NEGR1: variants seen among roughly 807,000 people sequenced by gnomAD.
NEGR1 encodes the protein IgLON family member 4.
NEGR1 carries 10 observed loss-of-function variants against 40.9 expected under a neutral mutation model. The observed-to-expected ratio is 0.24, with a 90% CI of 0.15 to 0.42. The LOEUF (loss-of-function observed/expected upper bound fraction) is 0.42, where lower values mean the gene tolerates loss of function less well. Ranked by LOEUF, NEGR1 falls within the 10% of genes least tolerant of loss-of-function variation. The pLI, the probability that NEGR1 is intolerant of heterozygous loss-of-function variation, is 1.00. For missense variants in NEGR1, 352 were observed against 438.9 expected (o/e 0.80, Z 1.77); for synonymous variants, 185 against 166.8 (o/e 1.11, Z -0.84).
chr1:71,940,174 G>A (rs749821998), intron 1 of NEGR1, among the ~76,000 whole-genome samples: 2 of 152,098 alleles, frequency 1.3e-5, no homozygotes, highest in Admixed American at 6.6e-5. Context: ...CTTCAAAATG[G>A]AACATTTTAG....
In NEGR1 at chr1:72,281,566, G is replaced by A. The variant is rs555340304; in HGVS notation, c.176+753C>T. ...TGGGAGTCAAAAGAGGGAAGACAGGGCACAGGATAGGGACATTAAGGAGGA... is the reference window on the plus strand; with the variant it reads ...TGGGAGTCAAAAGAGGGAAGACAGGACACAGGATAGGGACATTAAGGAGGA... On this transcript the variant is annotated intron_variant, in intron 1 of 6. Coordinates refer to ENST00000357731, the MANE Select transcript of NEGR1 (RefSeq NM_173808.3). 2.0e-5 allele frequency among the ~76,000 whole-genome samples: 3 copies of A among 151,794 alleles called. No individual in the cohort carries two copies. The South Asian group carries it at 6.2e-4, about 32-fold the overall frequency.
chr1:71,685,408 C>T (rs190021111), intron 4 of NEGR1, among the ~76,000 whole-genome samples: 1 of 151,034 alleles, frequency 6.6e-6, no homozygotes, highest in Non-Finnish European at 1.5e-5. Flanking sequence ...CTGCAAACTC[C>T]GCCTCCTGGG....
At chr1:72,070,077 C>A (rs113474561) in intron 1 of NEGR1, among the ~76,000 whole-genome samples, 2,280 of 151,946 alleles carry the variant, frequency 0.015, 54 homozygotes, top group African/African-American at 0.052. Context: ...TACAGACATA[C>A]ATTTAAGACT....
At chr1:72,262,709 CA>C (rs2100547208) in intron 1 of NEGR1, among the ~76,000 whole-genome samples, 1 of 151,898 alleles carries the variant, frequency 6.6e-6, no homozygotes, top group Non-Finnish European at 1.5e-5. Flanking sequence ...AATAAAGGTA[CA>C]TATATGCTTA....
intron 1 of NEGR1, among the ~76,000 whole-genome samples, chr1:71,976,025 C>T (rs1051480691): frequency 2.0e-5 from 3 of 152,154 alleles, no homozygotes; most frequent in Admixed American, 1.3e-4. Flanking sequence ...TTCATAAATC[C>T]GCGATAAACA....
chr1:71,590,971 T>G (rs2101518830), intron 6 of NEGR1, among the ~76,000 whole-genome samples: 1 of 152,260 alleles, frequency 6.6e-6, no homozygotes, highest in African/African-American at 2.4e-5. Context: ...CAGACATAGA[T>G]CCTGTCTTTT....
chr1:71,698,247 A>C, intron 3 of NEGR1, 108 bp from the exon 4 acceptor site: 1 of 928,096 alleles, frequency 1.1e-6, no homozygotes, highest in Non-Finnish European at 1.6e-6. Flanking sequence ...AACAATTCCA[A>C]ATGAAACTGG....
At chr1:72,257,008 T>A (rs1373483572) in intron 1 of NEGR1, among the ~76,000 whole-genome samples, 1 of 152,114 alleles carries the variant, frequency 6.6e-6, no homozygotes, top group Middle Eastern at 3.2e-3. Context: ...TAATCTGCAT[T>A]TTCTTTGGCC....
chr1:72,028,866 G>A (rs1196806984), intron 1 of NEGR1, among the ~76,000 whole-genome samples: 2 of 152,120 alleles, frequency 1.3e-5, no homozygotes, highest in African/African-American at 4.8e-5. Flanking sequence ...AGAGCTCTTC[G>A]AAGGTAAGAA....
chr1:71,938,933 G>C (rs1645934958), intron 1 of NEGR1, among the ~76,000 whole-genome samples: 1 of 152,060 alleles, frequency 6.6e-6, no homozygotes, highest in Non-Finnish European at 1.5e-5. Flanking sequence ...ACATTTTAGA[G>C]TTCAAATCAG....
At chr1:71,905,986 C>T (rs1334041456) in intron 2 of NEGR1, among the ~76,000 whole-genome samples, 1 of 152,030 alleles carries the variant, frequency 6.6e-6, no homozygotes, top group Admixed American at 6.6e-5. Flanking sequence ...AAACTGCCAC[C>T]TAATATCTAA....
chr1:72,276,535 A>G (rs1303013974), intron 1 of NEGR1, among the ~76,000 whole-genome samples: 2 of 152,158 alleles, frequency 1.3e-5, no homozygotes, highest in Non-Finnish European at 2.9e-5. Context: ...TCCTACTGAA[A>G]TTATTAAATG....
At chr1:72,009,438 C>T (rs77627027) in intron 1 of NEGR1, among the ~76,000 whole-genome samples, 9,091 of 152,032 alleles carry the variant, frequency 0.06, 317 homozygotes, top group African/African-American at 0.086. Flanking sequence ...CAGTTTCCCC[C>T]AACTTGTGTT....
chr1:72,023,662 T>C (rs550613625), intron 1 of NEGR1, among the ~76,000 whole-genome samples: 1 of 125,084 alleles, frequency 8.0e-6, no homozygotes, highest in Non-Finnish European at 1.8e-5. Context: ...AAAAAAAAAC[T>C]TAACAAATAA....
At chr1:72,124,890 T>C (rs1262919244) in intron 1 of NEGR1, among the ~76,000 whole-genome samples, 1 of 152,130 alleles carries the variant, frequency 6.6e-6, no homozygotes, top group Non-Finnish European at 1.5e-5. Context: ...TAAAAGACTA[T>C]AATTTCTCAT....
chr1:71,533,106 A>G (rs143982928), intron 6 of NEGR1, among the ~76,000 whole-genome samples: 155 of 151,638 alleles, frequency 1.0e-3, no homozygotes, highest in Non-Finnish European at 1.9e-3. Context: ...ACTGACTTTG[A>G]TATTAGGCCA....
chr1:71,441,553 A>G (rs1447663946), intron 6 of NEGR1, among the ~76,000 whole-genome samples: 1 of 152,216 alleles, frequency 6.6e-6, no homozygotes, highest in African/African-American at 2.4e-5. Flanking sequence ...TCAGTCTTAT[A>G]GACAACAGTA....
chr1:72,098,791 G>A (rs1648813119), intron 1 of NEGR1, among the ~76,000 whole-genome samples: 3 of 152,038 alleles, frequency 2.0e-5, no homozygotes, highest in African/African-American at 4.8e-5. Context: ...CAGGTAAACT[G>A]CAAGTAAATA....
intron 1 of NEGR1, among the ~76,000 whole-genome samples, chr1:72,016,734 G>C (rs1390286067): frequency 6.6e-6 from 1 of 152,144 alleles, no homozygotes; most frequent in African/African-American, 2.4e-5. Flanking sequence ...CCCCTGCACT[G>C]CTCTTATCTC....
Sources: gnomAD v4.1 joint callset for allele counts (sites outside exome capture counted in the v4.1 genomes callset) on GRCh38, gnomAD v4.1.1 for gene constraint, MANE v1.5 for transcripts, NCBI Gene and HGNC (gene_info 2026-07-23, HGNC 2026-07-21) for gene names.